FRMD4A: variants seen among roughly 807,000 people sequenced by gnomAD.
The protein encoded by FRMD4A is FERM domain containing 4A.
A neutral mutation model predicts 129.1 loss-of-function variants in FRMD4A; 29 were observed. That is an observed-to-expected ratio of 0.22 (90% CI 0.17 to 0.31). The LOEUF (loss-of-function observed/expected upper bound fraction) is 0.31, where lower values mean the gene tolerates loss of function less well. FRMD4A is among the 10% of genes least tolerant of loss of function. The pLI, the probability that FRMD4A is intolerant of heterozygous loss-of-function variation, is 1.00. For synonymous variants in FRMD4A, 634 were observed against 571.6 expected (o/e 1.11, Z -1.56); for missense variants, 1,272 against 1,375.8 (o/e 0.92, Z 1.19).
intron 2 of FRMD4A, among the ~76,000 whole-genome samples, chr10:13,940,365 T>G (rs2095281783): frequency 6.6e-6 from 1 of 152,078 alleles, no homozygotes; most frequent in Admixed American, 6.6e-5. Context: ...TGTTGCAGTG[T>G]AAGGGGCTAG....
intron 2 of FRMD4A, among the ~76,000 whole-genome samples, chr10:14,118,188 C>T (rs1439000148): frequency 2.0e-5 from 3 of 152,192 alleles, no homozygotes; most frequent in South Asian, 2.1e-4. Flanking sequence ...AGCTGAGGCC[C>T]AGGAATCTGA....
intron 2 of FRMD4A, among the ~76,000 whole-genome samples, chr10:14,085,131 A>G (rs1035772891): frequency 6.9e-6 from 1 of 144,212 alleles, no homozygotes; most frequent in Non-Finnish European, 1.6e-5. Flanking sequence ...ATAAATCAAG[A>G]AGTGTTCATC....
At chr10:14,223,547 C>T (rs1015801381) in intron 2 of FRMD4A, among the ~76,000 whole-genome samples, 2 of 152,082 alleles carry the variant, frequency 1.3e-5, no homozygotes, top group Admixed American at 1.3e-4. Context: ...TTGAGACCAG[C>T]CTGGACAACA....
intron 2 of FRMD4A, among the ~76,000 whole-genome samples, chr10:13,942,096 T>G (rs781722407): frequency 1.3e-5 from 2 of 152,170 alleles, no homozygotes; most frequent in Non-Finnish European, 2.9e-5. Flanking sequence ...CTTAATGGTG[T>G]CAAGTTTTCA....
chr10:13,832,830 G>A (rs778473567), intron 3 of FRMD4A, among the ~76,000 whole-genome samples: 3 of 152,080 alleles, frequency 2.0e-5, no homozygotes, highest in Non-Finnish European at 2.9e-5. Context: ...TATAGAGACA[G>A]GGTCTTGCTA....
chr10:13,983,336 C>A (rs2095568922), intron 2 of FRMD4A, among the ~76,000 whole-genome samples: 1 of 151,288 alleles, frequency 6.6e-6, no homozygotes, highest in Non-Finnish European at 1.5e-5. Flanking sequence ...AATTGACAAG[C>A]CAGGAGCTGG....
intron 4 of FRMD4A, 53 bp downstream of exon 4, chr10:13,810,761 G>A (rs1289991540): frequency 8.6e-6 from 8 of 934,710 alleles, no homozygotes; most frequent in East Asian, 2.5e-5. Context: ...GAGCAGTTTC[G>A]GGTTCTGCAC....
rs781039731 is a variant in FRMD4A, at chr10:13,802,671, G to A, written c.207-6083C>T. Among the ~76,000 whole-genome samples, 26 of 151,840 alleles carry A rather than the reference G, an allele frequency of 1.7e-4. 1 individual carries two copies. The highest frequency in any genetic ancestry group is 3.2e-4 in the Non-Finnish European group (22 of 67,970). On this transcript the variant is annotated intron_variant, in intron 4 of 24. Transcript: ENST00000357447. Reference sequence around the variant, plus strand: ...GTTTTTTTGGTAGAGACAGTGTCTCGCTTTGTTGTCCGGGCTGGTCTCAAA... The same window carrying A: ...GTTTTTTTGGTAGAGACAGTGTCTCACTTTGTTGTCCGGGCTGGTCTCAAA...
At chr10:13,933,268 C>A (rs1488066792) in intron 2 of FRMD4A, among the ~76,000 whole-genome samples, 1 of 144,264 alleles carries the variant, frequency 6.9e-6, no homozygotes, top group Non-Finnish European at 1.6e-5. Context: ...AGGGTGTACA[C>A]CGAGTAAATG....
rs531941109 is a variant in FRMD4A at position 14,118,514 on chromosome 10, C to G, written c.45+211544G>C. ...AGTGGTGGGACTTTGGGCATCAATT[C>G]CTGGCTATATTCGGCTGTTCTCACA... On this transcript the variant is annotated intron_variant, in intron 2 of 24. Coordinates refer to ENST00000357447, the MANE Select transcript of FRMD4A (RefSeq NM_018027.5). 3.9e-5 allele frequency among the ~76,000 whole-genome samples: 6 copies of G among 152,248 alleles called. No homozygotes were observed. The South Asian group carries it at 1.2e-3, about 32-fold the overall frequency.
intron 3 of FRMD4A, among the ~76,000 whole-genome samples, chr10:13,838,946 G>A (rs2093920366): frequency 6.7e-6 from 1 of 148,186 alleles, no homozygotes; most frequent in South Asian, 2.1e-4. Flanking sequence ...TAAGATAAAT[G>A]CAATGATTAA....
intron 2 of FRMD4A, among the ~76,000 whole-genome samples, chr10:13,992,630 A>G (rs2095607272): frequency 6.6e-6 from 1 of 152,174 alleles, no homozygotes; most frequent in African/African-American, 2.4e-5. Context: ...CAGCATAACT[A>G]TGTTGATATT....
chr10:14,316,918 A>G (rs1166071931), intron 2 of FRMD4A, among the ~76,000 whole-genome samples: 1 of 152,208 alleles, frequency 6.6e-6, no homozygotes, highest in Non-Finnish European at 1.5e-5. Context: ...GTTCTTAATG[A>G]GAGTCAATAT....
chr10:14,153,980 TGACGGG>T (rs1840471941), intron 2 of FRMD4A, among the ~76,000 whole-genome samples: 2 of 152,178 alleles, frequency 1.3e-5, no homozygotes, highest in African/African-American at 4.8e-5. Flanking sequence ...CCAACGGCCA[TGACGGG>T]GTCGCGGCTT....
chr10:14,268,616 A>G (rs1442413299), intron 2 of FRMD4A, among the ~76,000 whole-genome samples: 1 of 152,268 alleles, frequency 6.6e-6, no homozygotes, highest in Admixed American at 6.5e-5. Flanking sequence ...AGTGAAGATT[A>G]ACTAATATTT....
chr10:13,754,726 C>A (rs1227072219), intron 8 of FRMD4A, among the ~76,000 whole-genome samples: 1 of 151,706 alleles, frequency 6.6e-6, no homozygotes, highest in African/African-American at 2.4e-5. Context: ...TAGGATGTTT[C>A]CAACAGGGAA....
At chr10:14,209,055 G>A (rs1229110406) in intron 2 of FRMD4A, among the ~76,000 whole-genome samples, 1 of 152,016 alleles carries the variant, frequency 6.6e-6, no homozygotes, top group Non-Finnish European at 1.5e-5. Flanking sequence ...CATTTCCAAG[G>A]CCACAGTAAA....
chr10:14,253,298 G>A (rs1344417955), intron 2 of FRMD4A, among the ~76,000 whole-genome samples: 1 of 152,162 alleles, frequency 6.6e-6, no homozygotes, highest in Non-Finnish European at 1.5e-5. Flanking sequence ...GATAAATAGT[G>A]AATTCCTCTC....
chr10:13,731,649 CAAAA>C (rs35512356), intron 12 of FRMD4A, among the ~76,000 whole-genome samples: 3 of 116,576 alleles, frequency 2.6e-5, no homozygotes, highest in Non-Finnish European at 1.7e-5. Flanking sequence ...GACTTCATCT[CAAAA>C]AAAAAAAAAA....
Sources: allele counts gnomAD v4.1 joint callset (sites outside exome capture counted in the v4.1 genomes callset), GRCh38; gene constraint gnomAD v4.1.1; transcripts MANE v1.5; gene names NCBI Gene and HGNC (gene_info 2026-07-23, HGNC 2026-07-21).